SASS6: variants seen among roughly 807,000 people sequenced by gnomAD.
The protein encoded by SASS6 is SAS-6 centriolar assembly protein.
A neutral mutation model predicts 94.9 loss-of-function variants in SASS6; 59 were observed. The ratio of observed to expected loss-of-function variants is 0.62; its 90% CI spans 0.50 to 0.77. The LOEUF (loss-of-function observed/expected upper bound fraction) is 0.77, where lower values mean the gene tolerates loss of function less well. Ranked by LOEUF, SASS6 falls within the 30% of genes least tolerant of loss-of-function variation. The pLI is 0.00. For synonymous variants in SASS6, 264 were observed against 270.0 expected (o/e 0.98, Z 0.22); for missense variants, 698 against 734.1 (o/e 0.95, Z 0.57).
At chr1:100,107,048 C>A in intron 11 of SASS6, 55 bp from the exon 12 acceptor site, 1 of 738,742 alleles carries the variant, frequency 1.4e-6, no homozygotes, top group Non-Finnish European at 2.3e-6. Flanking sequence ...TAAATAAAAA[C>A]TGAAGAATGT....
chr1:100,108,397 T>C (rs753892773), intron 8 of SASS6, among the ~76,000 whole-genome samples: 23 of 152,136 alleles, frequency 1.5e-4, no homozygotes, highest in Non-Finnish European at 1.5e-4. Flanking sequence ...TTTTTAAAGG[T>C]TGATACTCTG....
intron 7 of SASS6, among the ~76,000 whole-genome samples, chr1:100,118,768 A>G (rs1408573008): frequency 6.6e-6 from 1 of 152,104 alleles, no homozygotes; most frequent in Non-Finnish European, 1.5e-5. Flanking sequence ...CAGAGTTATA[A>G]GTTTATAAAC....
At chr1:100,119,208 C>A in intron 6 of SASS6, 71 bp from the exon 7 acceptor site, 5 of 798,946 alleles carry the variant, frequency 6.3e-6, no homozygotes, top group South Asian at 3.0e-5. Context: ...TAGAATATAG[C>A]AATATTTACA....
chr1:100,116,493 T>C (rs1241593243), intron 7 of SASS6, among the ~76,000 whole-genome samples: 1 of 152,110 alleles, frequency 6.6e-6, no homozygotes, highest in Non-Finnish European at 1.5e-5. Context: ...GCTAAACATA[T>C]GCCTATATAT....
At chr1:100,086,384 A>G (rs1227992262) in intron 15 of SASS6, among the ~76,000 whole-genome samples, 1 of 152,192 alleles carries the variant, frequency 6.6e-6, no homozygotes, top group African/African-American at 2.4e-5. Context: ...GACAAATAAA[A>G]GAACCAGAAA....
intron 14 of SASS6, among the ~76,000 whole-genome samples, chr1:100,095,342 C>A (rs1163831570): frequency 6.6e-6 from 1 of 152,062 alleles, no homozygotes; most frequent in Non-Finnish European, 1.5e-5. Context: ...CCAGCCTGGG[C>A]AACATGGCAA....
At chr1:100,093,947 CCAAA>C (rs1570685005) in intron 14 of SASS6, among the ~76,000 whole-genome samples, 2 of 151,786 alleles carry the variant, frequency 1.3e-5, no homozygotes, top group East Asian at 1.9e-4. Flanking sequence ...AGAAAAGGAG[CCAAA>C]CAAACTCAAG....
chr1:100,131,743 G>A (rs1655048882), intron 1 of SASS6, among the ~76,000 whole-genome samples: 1 of 152,106 alleles, frequency 6.6e-6, no homozygotes, highest in African/African-American at 2.4e-5. Flanking sequence ...ATATACTACA[G>A]TTTGACATTA....
intron 14 of SASS6, among the ~76,000 whole-genome samples, chr1:100,100,256 ACT>A (rs1052192533): frequency 5.3e-5 from 8 of 152,066 alleles, no homozygotes; most frequent in African/African-American, 1.9e-4. Flanking sequence ...ACAGAGTGAG[ACT>A]CTGTCACAAA....
chr1:100,110,592 CT>C (rs952858532), intron 7 of SASS6, 109 bp from the exon 8 acceptor site: 1 of 533,810 alleles, frequency 1.9e-6, no homozygotes, highest in Non-Finnish European at 3.0e-6. Flanking sequence ...TTTTCTTTTT[CT>C]TTTTTGTCTT....
At chr1:100,109,207 A>G (rs1653125657) in intron 8 of SASS6, among the ~76,000 whole-genome samples, 1 of 152,068 alleles carries the variant, frequency 6.6e-6, no homozygotes, top group African/African-American at 2.4e-5. Context: ...GTATGCAGGA[A>G]AAACAGAAGA....
At chr1:100,106,773 G>T (rs1164310623) in intron 12 of SASS6, 139 bp downstream of exon 12, 2 of 548,824 alleles carry the variant, frequency 3.6e-6, no homozygotes, top group South Asian at 2.2e-5. Flanking sequence ...AGGATAACTT[G>T]AACCAAAGTG....
intron 3 of SASS6, 65 bp from the exon 4 acceptor site, chr1:100,122,549 C>CTTTTTTTTTTTTTTTTTT (rs71075469): frequency 4.7e-6 from 1 of 212,116 alleles, no homozygotes; most frequent in African/African-American, 3.5e-5. Context: ...GTTTTGGTGC[C>CTTTTTTTTTTTTTTTTTT]TTTTTTTTTT....
Position 100,107,842 on chromosome 1 carries a change from T to C in SASS6, c.1024A>G (p.Lys342Glu), listed in dbSNP as rs1318853360. ...KDKDQLVLRT[K>E]EAFDTIQEQK... Reference sequence around the variant, plus strand: ...TCCTGGATTGTATCAAATGCCTCTTTTGTTCTTAAAACAAGCTGGTCCTTA... The same window carrying C: ...TCCTGGATTGTATCAAATGCCTCTTCTGTTCTTAAAACAAGCTGGTCCTTA... Residue 342 changes from lysine to glutamate, a missense_variant, in exon 9 of 17, where the codon AAA (lysine) becomes GAA (glutamate). By Grantham distance (56) the Lys-to-Glu change is moderately conservative (BLOSUM62 1). Transcript: ENST00000287482. 6 of 1,612,592 alleles carry C rather than the reference T, an allele frequency of 3.7e-6. No individual in the cohort carries two copies. The highest frequency in any genetic ancestry group is 5.1e-6 in the Non-Finnish European group (6 of 1,179,040).
intron 3 of SASS6, 99 bp from the exon 4 acceptor site, chr1:100,122,583 C>T (rs1654285513): frequency 2.2e-6 from 1 of 452,364 alleles, no homozygotes; most frequent in African/African-American, 2.7e-5. Flanking sequence ...GATAGAGGCT[C>T]ACTCCATCAC....
At chr1:100,121,817 C>G (rs1280225964) in intron 4 of SASS6, among the ~76,000 whole-genome samples, 2 of 152,170 alleles carry the variant, frequency 1.3e-5, no homozygotes, top group Non-Finnish European at 2.9e-5. Context: ...AGACTACCAG[C>G]TCTTTACTCT....
intron 1 of SASS6, among the ~76,000 whole-genome samples, chr1:100,126,738 T>G (rs1026963206): frequency 5.3e-5 from 8 of 151,914 alleles, no homozygotes; most frequent in Non-Finnish European, 1.5e-5. Flanking sequence ...ACTGCACCAC[T>G]GCACACCAGC....
Position 100,122,454 on chromosome 1 carries a change from G to A in SASS6, c.237C>T (p.Asp79=). 6.4e-7 allele frequency: 1 copy of A among 1,556,138 alleles called. No individual in the cohort carries two copies. Among genetic ancestry groups the A allele is most frequent in the African/African-American group, 1.4e-5 (1 of 73,420 alleles). The change falls in exon 4 of 17, where the codon GAC becomes GAT. Residue 79 remains aspartate, a synonymous_variant. Transcript: ENST00000287482. ...SLKFQQGLLV[D]FLAFPQKFID... is the part of the protein sequence containing the mutation. ...TAAATTTTTGTGGGAAAGCTAAGAA[G>A]TCTACCAGAAGACCTTGCTGGAATT...
chr1:100,116,750 T>C (rs12136795), intron 7 of SASS6, among the ~76,000 whole-genome samples: 6,735 of 152,242 alleles, frequency 0.044, 174 homozygotes, highest in African/African-American at 0.06. Flanking sequence ...TATGCAAACA[T>C]ATATGATTCC....
Sources: gnomAD v4.1 joint callset for allele counts (sites outside exome capture counted in the v4.1 genomes callset) on GRCh38, gnomAD v4.1.1 for gene constraint, MANE v1.5 for transcripts, NCBI Gene and HGNC (gene_info 2026-07-23, HGNC 2026-07-21) for gene names.